The following BRINP3 variants were observed in gnomAD, a reference collection of about 807,000 sequenced individuals.
BRINP3 encodes BMP/retinoic acid-inducible neural-specific protein 3.
BRINP3 carries 19 observed loss-of-function variants against 71.0 expected under a neutral mutation model. The ratio of observed to expected loss-of-function variants is 0.27; its 90% CI spans 0.19 to 0.39. The LOEUF (loss-of-function observed/expected upper bound fraction) is 0.39, where lower values mean the gene tolerates loss of function less well. Ranked by LOEUF, BRINP3 falls within the 10% of genes least tolerant of loss-of-function variation. The probability of loss-of-function intolerance (pLI) is 1.00; values close to 1 mark genes in which losing one functional copy is unlikely to be tolerated. For synonymous variants in BRINP3, 380 were observed against 337.7 expected, an observed-to-expected ratio of 1.13 and a Z score of -1.37; for missense variants, 959 against 940.8, an observed-to-expected ratio of 1.02 and a Z score of -0.25.
chr1:190,117,985 A>G (rs542698254), intron 7 of BRINP3, among the ~76,000 whole-genome samples: 1 of 152,166 alleles, frequency 6.6e-6, no homozygotes, highest in Non-Finnish European at 1.5e-5. Context: ...CTCCTTAATT[A>G]ATAACATGCA....
intron 6 of BRINP3, among the ~76,000 whole-genome samples, chr1:190,221,385 A>G (rs1656878983): frequency 6.6e-6 from 1 of 152,148 alleles, no homozygotes; most frequent in East Asian, 1.9e-4. Context: ...TACTATATCT[A>G]TAAGATGATT....
chr1:190,465,782 T>A (rs1173305643), intron 1 of BRINP3, among the ~76,000 whole-genome samples: 1 of 151,858 alleles, frequency 6.6e-6, no homozygotes, highest in Admixed American at 6.6e-5. Flanking sequence ...CCACAAGTCT[T>A]TAACAAGTAT....
At chr1:190,334,880 A>T (rs1481698421) in intron 2 of BRINP3, among the ~76,000 whole-genome samples, 1 of 151,838 alleles carries the variant, frequency 6.6e-6, no homozygotes, top group African/African-American at 2.4e-5. Flanking sequence ...ATGCAAAAAA[A>T]GAAGTGGTGG....
chr1:190,134,963 C>A (rs1021232117), intron 7 of BRINP3, among the ~76,000 whole-genome samples: 1 of 151,984 alleles, frequency 6.6e-6, no homozygotes, highest in African/African-American at 2.4e-5. Flanking sequence ...AATTTAGTTA[C>A]CTGCTGAAGT....
At chr1:190,450,319 A>G (rs1675522477) in intron 2 of BRINP3, among the ~76,000 whole-genome samples, 1 of 152,184 alleles carries the variant, frequency 6.6e-6, no homozygotes, top group Non-Finnish European at 1.5e-5. Context: ...AAGTATTAAA[A>G]TATGTTTTGC....
intron 7 of BRINP3, among the ~76,000 whole-genome samples, chr1:190,115,584 A>T (rs970093455): frequency 1.3e-5 from 2 of 152,300 alleles, no homozygotes; most frequent in Non-Finnish European, 2.9e-5. Flanking sequence ...ATGCCTATAC[A>T]TGCCATTAGC....
chr1:190,151,168 A>G (rs751199249), intron 7 of BRINP3, among the ~76,000 whole-genome samples: 1 of 152,098 alleles, frequency 6.6e-6, no homozygotes, highest in Non-Finnish European at 1.5e-5. Context: ...AAAAAGAAAA[A>G]ATGATGTTCA....
chr1:190,460,724 G>A (rs1254633858), intron 1 of BRINP3, among the ~76,000 whole-genome samples: 1 of 152,084 alleles, frequency 6.6e-6, no homozygotes, highest in Non-Finnish European at 1.5e-5. Context: ...CCTCTGTCAA[G>A]GAAAACTAAA....
intron 6 of BRINP3, among the ~76,000 whole-genome samples, chr1:190,173,607 G>T (rs1388481737): frequency 6.6e-6 from 1 of 152,094 alleles, no homozygotes; most frequent in Non-Finnish European, 1.5e-5. Flanking sequence ...TTCCTAAATT[G>T]CTTATCTCAA....
At chr1:190,178,308 A>T (rs1652730921) in intron 6 of BRINP3, among the ~76,000 whole-genome samples, 1 of 152,104 alleles carries the variant, frequency 6.6e-6, no homozygotes, top group Non-Finnish European at 1.5e-5. Flanking sequence ...TTATATTTAT[A>T]TTTTTAACTC....
At chr1:190,386,763 T>C (rs762813185) in intron 2 of BRINP3, among the ~76,000 whole-genome samples, 2 of 152,000 alleles carry the variant, frequency 1.3e-5, no homozygotes, top group Admixed American at 6.6e-5. Flanking sequence ...GAATAATATA[T>C]AGTTCATGGA....
At chr1:190,241,796 T>C (rs979057150) in intron 4 of BRINP3, among the ~76,000 whole-genome samples, 2 of 151,818 alleles carry the variant, frequency 1.3e-5, no homozygotes, top group African/African-American at 4.8e-5. Flanking sequence ...ACCACACATA[T>C]AAGATCTTTT....
At chr1:190,405,086 C>A (rs1672173508) in intron 2 of BRINP3, among the ~76,000 whole-genome samples, 1 of 152,048 alleles carries the variant, frequency 6.6e-6, no homozygotes. Flanking sequence ...GTCCTTCATC[C>A]ACATTTTCTG....
intron 2 of BRINP3, among the ~76,000 whole-genome samples, chr1:190,419,171 A>G (rs960475277): frequency 3.9e-5 from 6 of 152,096 alleles, no homozygotes; most frequent in Admixed American, 2.0e-4. Context: ...CATTCTTTTC[A>G]TATCAAAAGG....
chr1:190,418,675 A>T (rs1321393044), intron 2 of BRINP3, among the ~76,000 whole-genome samples: 1 of 152,168 alleles, frequency 6.6e-6, no homozygotes, highest in Non-Finnish European at 1.5e-5. Flanking sequence ...TGCAAAACAG[A>T]AAAACAACAT....
chr1:190,431,376 T>G (rs1373529864), intron 2 of BRINP3, among the ~76,000 whole-genome samples: 1 of 152,152 alleles, frequency 6.6e-6, no homozygotes, highest in Non-Finnish European at 1.5e-5. Flanking sequence ...ACTTATATTT[T>G]TAGACGGCGA....
intron 2 of BRINP3, among the ~76,000 whole-genome samples, chr1:190,367,802 C>T (rs1398304591): frequency 1.3e-5 from 2 of 152,174 alleles, no homozygotes; most frequent in African/African-American, 4.8e-5. Context: ...TCCTCATCAA[C>T]ATCTAATATC....
At chr1:190,150,266 A>ATGTATG (rs1553249813) in intron 7 of BRINP3, among the ~76,000 whole-genome samples, 3,142 of 128,188 alleles carry the variant, frequency 0.025, 95 homozygotes, top group African/African-American at 0.093. Context: ...GTGCATATCT[A>ATGTATG]TGTGTGTGTG....
chr1:190,279,037 C>A (rs1662842521), intron 3 of BRINP3, among the ~76,000 whole-genome samples: 1 of 151,570 alleles, frequency 6.6e-6, no homozygotes, highest in African/African-American at 2.4e-5. Context: ...CTGTCTTTTC[C>A]TTCTTTTCTT....
Sources: allele counts gnomAD v4.1 joint callset (sites outside exome capture counted in the v4.1 genomes callset), GRCh38; gene constraint gnomAD v4.1.1; transcripts MANE v1.5; gene names NCBI Gene and HGNC (gene_info 2026-07-23, HGNC 2026-07-21).